TYW5: variants seen among roughly 807,000 people sequenced by gnomAD.
The protein encoded by TYW5 is tRNA-yW synthesizing protein 5, also known as tRNA wybutosine-synthesizing protein 5.
Under a neutral mutation model 44.4 loss-of-function variants are expected in TYW5, and 36 were observed. The observed-to-expected ratio is 0.81, with a 90% CI of 0.62 to 1.07. TYW5 has a LOEUF of 1.07. Ranked by LOEUF, TYW5 falls within the 50% of genes least tolerant of loss-of-function variation. TYW5 has a pLI of 0.00. For synonymous variants in TYW5, 121 were observed against 128.1 expected (o/e 0.94, Z 0.37); for missense variants, 354 against 365.7 (o/e 0.97, Z 0.26).
chr2:199,937,685 A>AATCATC (rs765908544), intron 5 of TYW5, among the ~76,000 whole-genome samples: 1 of 151,422 alleles, frequency 6.6e-6, no homozygotes, highest in Non-Finnish European at 1.5e-5. Flanking sequence ...CAACAACAAC[A>AATCATC]ATCATCATCA....
intron 3 of TYW5, chr2:199,942,863 A>G (rs1281238566): frequency 6.8e-6 from 1 of 147,632 alleles, no homozygotes; most frequent in Non-Finnish European, 1.5e-5. Context: ...AACACAGTGA[A>G]TTTTTTTTTT....
At position 199,955,174 on chromosome 2, in the gene TYW5, C is replaced by T; in HGVS notation, c.78+219G>A. On this transcript the variant is annotated intron_variant, in intron 1 of 7. Coordinates refer to ENST00000354611, the MANE Select transcript of TYW5 (RefSeq NM_001039693.3). ...TCAGCTCTCCGCCATCATCTTGCTCCCCAGAAACATGGGACTTTCTCCGGA... is the reference window on the plus strand; with the variant it reads ...TCAGCTCTCCGCCATCATCTTGCTCTCCAGAAACATGGGACTTTCTCCGGA... 5 of 549,790 alleles carry T rather than the reference C, an allele frequency of 9.1e-6. No individual in the cohort carries two copies. The South Asian group carries it at 1.4e-4, about 15-fold the overall frequency. The allele number at this position is 549,790 out of a possible 1,614,324, so 34.1% of individuals were successfully genotyped here.
intron 1 of TYW5, among the ~76,000 whole-genome samples, chr2:199,952,890 G>A (rs1278606002): frequency 6.6e-6 from 1 of 152,156 alleles, no homozygotes; most frequent in Non-Finnish European, 1.5e-5. Flanking sequence ...GATATAAACC[G>A]AATTTTATCA....
At chr2:199,948,902 T>A (rs1468233604) in intron 1 of TYW5, among the ~76,000 whole-genome samples, 1 of 152,220 alleles carries the variant, frequency 6.6e-6, no homozygotes, top group Admixed American at 6.5e-5. Context: ...AAGGACATAT[T>A]ATTATTAATT....
chr2:199,938,980 C>A lies in TYW5; in HGVS notation c.439G>T (p.Val147Phe). The change falls in exon 5 of 8, where the codon GTT (valine) becomes TTT (phenylalanine). Residue 147 changes from valine (V) to phenylalanine (F), a missense_variant. Val to Phe is a conservative substitution (Grantham distance 50). Transcript: ENST00000354611. ...AATCCTGGTGAACTAATTCGAAAAA[C>A]ACTGGAAAAGAACTGTTCCTCTTTG... is the stretch of plus-strand genomic sequence containing the variant. Reference protein sequence around the residue: ...FFKEEQFFSSVFRISSPGLQL... With the variant: ...FFKEEQFFSSFFRISSPGLQL... 6.2e-7 allele frequency: 1 copy of A among 1,613,444 alleles called. No homozygotes were observed. The highest frequency in any genetic ancestry group is 8.5e-7 in the Non-Finnish European group (1 of 1,179,778).
chr2:199,936,611 ACT>A (rs1239270044), intron 5 of TYW5, 119 bp from the exon 6 acceptor site: 2 of 742,504 alleles, frequency 2.7e-6, no homozygotes, highest in Non-Finnish European at 4.5e-6. Context: ...CTTACTTAAG[ACT>A]CTTACAGTTA....
Position 199,931,203 on chromosome 2 carries a change from G to GC in TYW5, c.*1863dup, listed in dbSNP as rs1290626385. The GC allele has an allele frequency of 6.6e-6, 1 of 152,128 alleles. No individual in the cohort carries two copies. The highest frequency in any genetic ancestry group is 2.1e-4 in the South Asian group (1 of 4,832). The allele number at this position is 152,128 out of a possible 1,614,324, so 9.4% of individuals were successfully genotyped here. A position where few individuals can be genotyped will look rare whatever the true frequency, so the allele number is the denominator to read the frequency against. ...AGCACCAGTTATCAACTATGTGCCT[G>GC]CCCTTGAACTCTCTGCATTTTTGTA... is the stretch of plus-strand genomic sequence containing the variant. On this transcript the variant is annotated 3_prime_UTR_variant, in exon 8 of 8. Transcript: ENST00000354611.
chr2:199,955,432 G>A lies in TYW5; in HGVS notation c.39C>T (p.Gly13=). The change falls in exon 1 of 8, where the codon GGC becomes GGT. Residue 13 remains glycine (G), a synonymous_variant. Transcript: ENST00000354611. The stretch of plus-strand genomic sequence containing the variant: ...GCTGCATGAACTGCTCCCGAGAAAC[G>A]CCCTCCAGCCGGGGTACCGGGAGGT... ...GQHLPVPRLE[G]VSREQFMQHL... is the part of the protein sequence containing the mutation. The A allele has an allele frequency of 1.9e-6, 3 of 1,613,918 alleles. No individual in the cohort carries two copies. The highest frequency in any genetic ancestry group is 1.3e-5 in the African/African-American group (1 of 75,056).
chr2:199,955,201 A>C, intron 1 of TYW5, 192 bp downstream of exon 1: 1 of 566,664 alleles, frequency 1.8e-6, no homozygotes, highest in Non-Finnish European at 3.0e-6. Flanking sequence ...TTCTCCGGAA[A>C]TTTCAATAGA....
intron 2 of TYW5, chr2:199,946,393 G>C (rs754134221): frequency 1.6e-4 from 24 of 152,172 alleles, no homozygotes; most frequent in Non-Finnish European, 3.5e-4. Context: ...CAGAACTGAT[G>C]AGAGTACAAT....
Position 199,947,625 on chromosome 2 carries a change from G to A in TYW5, c.233+693C>T, listed in dbSNP as rs1574806783. The A allele has an allele frequency of 2.6e-5, 4 of 152,304 alleles. No individual in the cohort carries two copies. In the South Asian group the frequency reaches 8.3e-4, roughly 32 times the overall value. 9.4% of individuals were successfully genotyped at this position (152,304 alleles called of 1,614,324 possible). On this transcript the variant is annotated intron_variant, in intron 2 of 7. Transcript: ENST00000354611. Reference sequence around the variant, plus strand: ...TGGAGAGGACAGAAAAAGAAAACATGAGCCTTTTAGAATTTCCTATTCTAG... The same window carrying A: ...TGGAGAGGACAGAAAAAGAAAACATAAGCCTTTTAGAATTTCCTATTCTAG...
chr2:199,952,746 T>C (rs1444387708), intron 1 of TYW5, among the ~76,000 whole-genome samples: 1 of 152,242 alleles, frequency 6.6e-6, no homozygotes, highest in Non-Finnish European at 1.5e-5. Context: ...TATAGGGGAA[T>C]TTACCCATAT....
chr2:199,930,733 C>A lies in TYW5; in HGVS notation c.*2334G>T, dbSNP rs1281561023. 4.0e-5 allele frequency: 6 copies of A among 151,400 alleles called. No homozygotes were observed. The highest frequency in any genetic ancestry group is 1.2e-4 in the African/African-American group (5 of 41,174). 9.4% of individuals were successfully genotyped at this position (151,400 alleles called of 1,614,324 possible). On this transcript the variant is annotated 3_prime_UTR_variant, in exon 8 of 8. Transcript: ENST00000354611. ...ACTAGCCAAAGAAAAGCTGTGTAAT[C>A]TATTCAGAAGTACTGGAGATGTGCT... is the stretch of plus-strand genomic sequence containing the variant.
intron 3 of TYW5, among the ~76,000 whole-genome samples, chr2:199,940,593 A>G (rs1208771619): frequency 1.3e-5 from 2 of 151,972 alleles, no homozygotes; most frequent in Non-Finnish European, 2.9e-5. Flanking sequence ...CTTGGGTGAC[A>G]GAGCAAGACC....
At chr2:199,953,738 A>T (rs1436654055) in intron 1 of TYW5, among the ~76,000 whole-genome samples, 2 of 152,098 alleles carry the variant, frequency 1.3e-5, no homozygotes, top group Non-Finnish European at 2.9e-5. Flanking sequence ...TCCAGATAGA[A>T]AGGTCTTTTT....
rs1352451355 is a variant in TYW5, at chr2:199,932,750, T to G, written c.*317A>C. 3.8e-6 allele frequency: 1 copy of G among 261,206 alleles called. No homozygotes were observed. Among genetic ancestry groups the G allele is most frequent in the African/African-American group, 2.3e-5 (1 of 44,334 alleles). The allele number at this position is 261,206 out of a possible 1,614,324, so 16.2% of individuals were successfully genotyped here. On this transcript the variant is annotated 3_prime_UTR_variant, in exon 8 of 8. Transcript: ENST00000354611. ...CGGGTTCCCAAGGTTCTTGATGACA[T>G]TACTGAATCATTGGATCAGAAACAC...
In TYW5 at chr2:199,933,004, A is replaced by G; in HGVS notation, c.*63T>C. On this transcript the variant is annotated 3_prime_UTR_variant, in exon 8 of 8. Transcript: ENST00000354611. ...GATGTATCTTTCCTATTTTAACAAA[A>G]TCTTTAATTTATATCGTTATACCTT... The G allele has an allele frequency of 6.5e-7, 1 of 1,543,694 alleles. No individual in the cohort carries two copies. Among genetic ancestry groups the G allele is most frequent in the Non-Finnish European group, 8.7e-7 (1 of 1,146,092 alleles).
chr2:199,929,200 G>C lies in TYW5; in HGVS notation c.*3867C>G, dbSNP rs1019136085. Among the ~76,000 whole-genome samples, 11 of 110,738 alleles carry C rather than the reference G, an allele frequency of 9.9e-5. No individual in the cohort carries two copies. The highest frequency in any genetic ancestry group is 3.5e-4 in the African/African-American group (11 of 31,394). The allele number at this position is 110,738 out of a possible 152,430, so 72.6% of individuals were successfully genotyped here. A position where few individuals can be genotyped will look rare whatever the true frequency, so the allele number is the denominator to read the frequency against. ...GAGACTACATCGTGGGGTTGGGGGAGGGGGAAGGGATAGCATTAGGAGATA... is the reference window on the plus strand; with the variant it reads ...GAGACTACATCGTGGGGTTGGGGGACGGGGAAGGGATAGCATTAGGAGATA... On this transcript the variant is annotated 3_prime_UTR_variant, in exon 8 of 8. Coordinates refer to ENST00000354611, the MANE Select transcript of TYW5 (RefSeq NM_001039693.3).
intron 2 of TYW5, chr2:199,945,571 A>G (rs2077497746): frequency 6.6e-6 from 1 of 152,224 alleles, no homozygotes; most frequent in Admixed American, 6.5e-5. Context: ...TGACCTCACC[A>G]TATACCCTTC....
Sources: allele counts gnomAD v4.1 joint callset (sites outside exome capture counted in the v4.1 genomes callset), GRCh38; gene constraint gnomAD v4.1.1; transcripts MANE v1.5; gene names NCBI Gene and HGNC (gene_info 2026-07-23, HGNC 2026-07-21).